Variants in OSBPL10 observed in about 807,000 individuals in gnomAD.
OSBPL10 encodes the protein oxysterol-binding protein-related protein 10.
OSBPL10 carries 49 observed loss-of-function variants against 81.7 expected under a neutral mutation model. That is an observed-to-expected ratio of 0.60 (90% CI 0.48 to 0.76). The LOEUF is 0.76. Ranked by LOEUF, OSBPL10 falls within the 30% of genes least tolerant of loss-of-function variation. The pLI is 0.00. For missense variants in OSBPL10, 923 were observed against 987.8 expected, an observed-to-expected ratio of 0.93 and a Z score of 0.88; for synonymous variants, 419 against 383.6, an observed-to-expected ratio of 1.09 and a Z score of -1.08.
At chr3:31,988,766 T>C (rs902482037) in intron 2 of OSBPL10, 3 of 394,464 alleles carry the variant, frequency 7.6e-6, no homozygotes, top group African/African-American at 2.0e-5. Context: ...AGTCACCTTA[T>C]AAGCAGATTT....
chr3:32,045,832 A>C (rs1699616184), intron 2 of OSBPL10: 1 of 152,240 alleles, frequency 6.6e-6, no homozygotes, highest in South Asian at 2.1e-4. Flanking sequence ...CCTAAGAATC[A>C]GTGTGTGTGA....
chr3:31,804,275 C>T lies in OSBPL10; in HGVS notation c.729+25765G>A, dbSNP rs552147151. Among the ~76,000 whole-genome samples, 3 of 152,272 alleles carry T rather than the reference C, an allele frequency of 2.0e-5. No homozygotes were observed. The South Asian group carries it at 6.2e-4, about 32-fold the overall frequency. On this transcript the variant is annotated intron_variant, in intron 4 of 11. Transcript: ENST00000396556. ...TTATTCTAAGGGTTGAAATCCAATA[C>T]TATCAACATCACAGATTTTTAATCC...
At chr3:31,691,601 G>C (rs1695553476) in intron 7 of OSBPL10, among the ~76,000 whole-genome samples, 1 of 152,068 alleles carries the variant, frequency 6.6e-6, no homozygotes, top group Non-Finnish European at 1.5e-5. Context: ...CAAGCCTGTA[G>C]TCTTACTGTT....
chr3:31,849,487 CTG>C (rs1437820710), intron 3 of OSBPL10, among the ~76,000 whole-genome samples: 1 of 152,088 alleles, frequency 6.6e-6, no homozygotes, highest in African/African-American at 2.4e-5. Flanking sequence ...CTGGTCCTGC[CTG>C]TGTGTTTTAG....
upstream of OSBPL10, chr3:31,982,032 C>T (rs1452736266): frequency 6.6e-6 from 1 of 152,194 alleles, no homozygotes; most frequent in Non-Finnish European, 1.5e-5. Flanking sequence ...TGTCCTAGGT[C>T]ACTCACTGGC....
intron 2 of OSBPL10, among the ~76,000 whole-genome samples, chr3:32,028,807 G>A (rs542943696): frequency 3.2e-4 from 49 of 152,082 alleles, no homozygotes; most frequent in Admixed American, 2.8e-3. Context: ...ATGGAAGGTA[G>A]AAGAAAAGAG....
At position 31,946,400 on chromosome 3, in the gene OSBPL10, T is replaced by A. The variant is rs536093702; in HGVS notation, c.281+34499A>T. ...TTAAGAATTTTATTAAGTTGTTTTT[T>A]ATCAAAAAAAAAAAAAACCCTTGTA... is the stretch of plus-strand genomic sequence containing the variant. On this transcript the variant is annotated intron_variant, in intron 1 of 11. Transcript: ENST00000396556. 1.8e-3 allele frequency among the ~76,000 whole-genome samples: 200 copies of A among 108,210 alleles called. 1 individual carries two copies. Among genetic ancestry groups the A allele is most frequent in the Middle Eastern group, 0.014 (3 of 220 alleles). The allele number at this position is 108,210 out of a possible 152,430, so 71.0% of individuals were successfully genotyped here.
chr3:31,974,342 ACT>A (rs1268416499), intron 1 of OSBPL10, among the ~76,000 whole-genome samples: 1 of 151,894 alleles, frequency 6.6e-6, no homozygotes, highest in East Asian at 1.9e-4. Context: ...ACTGTGGAAA[ACT>A]CTCTGCTAGT....
chr3:31,781,938 C>T (rs547136167), intron 4 of OSBPL10, among the ~76,000 whole-genome samples: 2 of 152,172 alleles, frequency 1.3e-5, no homozygotes, highest in East Asian at 3.9e-4. Context: ...TAATTCTTCA[C>T]ACAACTAGAA....
chr3:31,948,681 G>A (rs1274869937), intron 1 of OSBPL10, among the ~76,000 whole-genome samples: 1 of 152,182 alleles, frequency 6.6e-6, no homozygotes, highest in Non-Finnish European at 1.5e-5. Flanking sequence ...GTGTTGCTAA[G>A]CAGTTTTAAT....
At chr3:32,069,716 G>A (rs545070507) in intron 1 of OSBPL10, among the ~76,000 whole-genome samples, 1 of 152,304 alleles carries the variant, frequency 6.6e-6, no homozygotes, top group South Asian at 2.1e-4. Context: ...TACAATAATA[G>A]AGAGGCGGTA....
chr3:32,073,996 TA>T (rs1699853880), intron 1 of OSBPL10, among the ~76,000 whole-genome samples: 1 of 152,134 alleles, frequency 6.6e-6, no homozygotes, highest in Admixed American at 6.5e-5. Flanking sequence ...TCCAGCATAC[TA>T]GCAATCTCAT....
chr3:31,863,999 A>G (rs1701117436), intron 3 of OSBPL10, among the ~76,000 whole-genome samples: 2 of 152,232 alleles, frequency 1.3e-5, no homozygotes, highest in Non-Finnish European at 2.9e-5. Flanking sequence ...TTTGCTGAGT[A>G]TTGAACATGC....
At position 32,066,189 on chromosome 3, in the gene OSBPL10, G is replaced by A. The variant is rs1375364858; in HGVS notation, n.185+11207C>T. 1.1e-4 allele frequency among the ~76,000 whole-genome samples: 9 copies of A among 79,620 alleles called. 1 individual carries two copies. Among genetic ancestry groups the A allele is most frequent in the African/African-American group, 1.9e-4 (6 of 32,298 alleles). The allele number at this position is 79,620 out of a possible 152,430, so 52.2% of individuals were successfully genotyped here. On this transcript the variant is annotated intron_variant and non_coding_transcript_variant, in intron 1 of 3. Transcript: ENST00000479173. ...GGAAGGAAGGAAGGAAGGAAGGAAG[G>A]AAGGAAGGAAGGAAGGAAGGAAGGA...
At chr3:31,898,021 A>G (rs1226602011) in intron 1 of OSBPL10, among the ~76,000 whole-genome samples, 13 of 126,616 alleles carry the variant, frequency 1.0e-4, no homozygotes, top group African/African-American at 1.5e-4. Flanking sequence ...AAAAAAAAAA[A>G]AAAAAAAAAA....
At chr3:31,912,396 G>GA (rs11402856) in intron 1 of OSBPL10, among the ~76,000 whole-genome samples, 30,323 of 142,830 alleles carry the variant, frequency 0.21, 3,355 homozygotes, top group East Asian at 0.24. Context: ...CTCTGTCTCG[G>GA]AAAAAAAAAA....
At chr3:31,733,470 T>C in intron 5 of OSBPL10, 59 bp from the exon 6 acceptor site, 1 of 1,601,622 alleles carries the variant, frequency 6.2e-7, no homozygotes, top group Non-Finnish European at 8.6e-7. Flanking sequence ...TTATAGCTCA[T>C]GAAATATTTG....
At chr3:31,697,966 GT>G (rs1006270840) in intron 7 of OSBPL10, among the ~76,000 whole-genome samples, 11 of 151,872 alleles carry the variant, frequency 7.2e-5, no homozygotes, top group African/African-American at 2.7e-4. Flanking sequence ...GTTTCACTAT[GT>G]TGGCCAGGCT....
chr3:31,814,166 A>T (rs1027505901), intron 4 of OSBPL10, among the ~76,000 whole-genome samples: 2 of 152,222 alleles, frequency 1.3e-5, no homozygotes, highest in Admixed American at 1.3e-4. Context: ...TTCTTCAGCC[A>T]CAGAGGGCCA....
Sources: allele counts gnomAD v4.1 joint callset (sites outside exome capture counted in the v4.1 genomes callset), GRCh38; gene constraint gnomAD v4.1.1; transcripts MANE v1.5; gene names NCBI Gene and HGNC (gene_info 2026-07-23, HGNC 2026-07-21).